PPP1CC: variants seen among roughly 807,000 people sequenced by gnomAD.
The protein encoded by PPP1CC is protein phosphatase 1 catalytic subunit gamma.
PPP1CC carries 16 observed loss-of-function variants against 38.4 expected under a neutral mutation model. The observed-to-expected ratio is 0.42, with a 90% CI of 0.28 to 0.63. PPP1CC has a LOEUF of 0.63. Among genes scored for constraint, PPP1CC ranks in the 30% least tolerant of loss-of-function variants. PPP1CC has a pLI of 0.25. For synonymous variants in PPP1CC, 158 were observed against 136.0 expected, an observed-to-expected ratio of 1.16 and a Z score of -1.13; for missense variants, 170 against 391.3, an observed-to-expected ratio of 0.43 and a Z score of 4.77.
intron 1 of PPP1CC, among the ~76,000 whole-genome samples, chr12:110,741,926 G>A (rs1206496700): frequency 6.6e-6 from 1 of 152,218 alleles, no homozygotes; most frequent in Non-Finnish European, 1.5e-5. Context: ...AATAATTCAT[G>A]GACGCAAAGT....
At chr12:110,715,622 ACTT>A (rs2069681196), downstream of PPP1CC, among the ~76,000 whole-genome samples, 1 of 151,694 alleles carries the variant, frequency 6.6e-6, no homozygotes, top group Non-Finnish European at 1.5e-5. Flanking sequence ...CTGGTATGCT[ACTT>A]TTTTTCTTTT....
At chr12:110,718,398 A>G (rs183715681), downstream of PPP1CC, among the ~76,000 whole-genome samples, 1 of 152,334 alleles carries the variant, frequency 6.6e-6, no homozygotes, top group East Asian at 1.9e-4. Flanking sequence ...CACTTAATAG[A>G]ATAGTATCAC....
chr12:110,730,262 G>A (rs564036157), intron 3 of PPP1CC, among the ~76,000 whole-genome samples: 3 of 152,358 alleles, frequency 2.0e-5, no homozygotes, highest in African/African-American at 7.2e-5. Flanking sequence ...GGGAGGCTGA[G>A]GCAGGAGGAT....
At chr12:110,737,503 A>T (rs956366152) in intron 1 of PPP1CC, among the ~76,000 whole-genome samples, 1 of 145,700 alleles carries the variant, frequency 6.9e-6, no homozygotes, top group Non-Finnish European at 1.5e-5. Context: ...AAAAAAAAAG[A>T]AAAGAAAAGA....
chr12:110,712,635 CAAAAAAAAAA>C, the PPP1CC span, among the ~76,000 whole-genome samples: 1 of 37,668 alleles, frequency 2.7e-5, no homozygotes, highest in Admixed American at 4.1e-4. Flanking sequence ...GAAACTGTCT[CAAAAAAAAAA>C]AAAAAAAAAA....
At chr12:110,737,054 T>C (rs1360340317) in intron 1 of PPP1CC, among the ~76,000 whole-genome samples, 1 of 152,200 alleles carries the variant, frequency 6.6e-6, no homozygotes, top group East Asian at 1.9e-4. Context: ...AATAGCCTCA[T>C]GATATTTGAC....
chr12:110,724,548 AAGG>A lies in PPP1CC; in HGVS notation c.523+109_523+111del, dbSNP rs1396979722. On this transcript the variant is annotated intron_variant, in intron 4 of 6. Transcript: ENST00000335007. The stretch of plus-strand genomic sequence containing the variant: ...GAAAGTGCAATGCAACACATCAACA[AAGG>A]AGAGTGTTCTGTCAGAGAAAGTCAT... The A allele has an allele frequency of 5.9e-6, 4 of 675,030 alleles. No individual in the cohort carries two copies. In the East Asian group the frequency reaches 7.8e-5, roughly 13 times the overall value. 41.8% of individuals were successfully genotyped at this position (675,030 alleles called of 1,614,324 possible).
At chr12:110,713,922 A>G in the PPP1CC span, among the ~76,000 whole-genome samples, 2 of 152,176 alleles carry the variant, frequency 1.3e-5, no homozygotes, top group South Asian at 2.1e-4. Flanking sequence ...AACATGGTGA[A>G]ATCCTGTCTC....
At chr12:110,734,539 C>A (rs1387430411) in intron 1 of PPP1CC, among the ~76,000 whole-genome samples, 1 of 152,130 alleles carries the variant, frequency 6.6e-6, no homozygotes, top group East Asian at 1.9e-4. Flanking sequence ...GATGGGGTTT[C>A]TCCATATTGG....
the PPP1CC span, among the ~76,000 whole-genome samples, chr12:110,708,850 C>CA: frequency 0.17 from 11,069 of 64,806 alleles, 627 homozygotes; most frequent in Middle Eastern, 0.23. Flanking sequence ...GAGTCCATCT[C>CA]AAAAAAAAAA....
At chr12:110,721,738 A>G (rs2069741398) in intron 6 of PPP1CC, 1 of 237,026 alleles carries the variant, frequency 4.2e-6, no homozygotes, top group South Asian at 1.5e-4. Context: ...ATGGTACATT[A>G]ACAGAAGTTT....
At chr12:110,738,779 AGGGCACTGC>A (rs2069977538) in intron 1 of PPP1CC, among the ~76,000 whole-genome samples, 1 of 152,196 alleles carries the variant, frequency 6.6e-6, no homozygotes, top group Admixed American at 6.6e-5. Flanking sequence ...GACAGGCAAG[AGGGCACTGC>A]GGGCACAAGG....
intron 3 of PPP1CC, chr12:110,725,122 T>TGA (rs1342098490): frequency 6.5e-6 from 1 of 153,522 alleles, no homozygotes; most frequent in Non-Finnish European, 1.4e-5. Flanking sequence ...CTAAAAGCAA[T>TGA]GACTTACATT....
At chr12:110,708,493 G>T in the PPP1CC span, among the ~76,000 whole-genome samples, 2 of 152,284 alleles carry the variant, frequency 1.3e-5, no homozygotes, top group South Asian at 4.1e-4. Context: ...TTTCTCCTGA[G>T]AATTCACAAC....
Position 110,722,103 on chromosome 12 carries a change from TAAAAG to T in PPP1CC, c.882+27_882+31del. 6.2e-7 allele frequency: 1 copy of T among 1,612,530 alleles called. No homozygotes were observed. Among genetic ancestry groups the T allele is most frequent in the Non-Finnish European group, 8.5e-7 (1 of 1,179,182 alleles). ...TTCAATCAGCAAAGTGTAAACATAT[TAAAAG>T]GAAATCATGTTGAAAGCATGCTCTA... On this transcript the variant is annotated intron_variant, in intron 6 of 6. Coordinates refer to ENST00000335007, the MANE Select transcript of PPP1CC (RefSeq NM_002710.4). This position sits in a 1 kb window ranked among gnomAD's most constrained non-coding sequence, Gnocchi z 5.4.
chr12:110,721,759 A>C (rs1215576921), intron 6 of PPP1CC: 4 of 266,722 alleles, frequency 1.5e-5, no homozygotes, highest in Non-Finnish European at 2.8e-5. Context: ...TGTGGAAGTT[A>C]GACTAGAGGG....
chr12:110,720,134 T>A lies in PPP1CC; in HGVS notation c.*942A>T. 1 of 1,549,528 alleles carries A rather than the reference T, an allele frequency of 6.5e-7. No individual in the cohort carries two copies. Among genetic ancestry groups the A allele is most frequent in the South Asian group, 1.2e-5 (1 of 84,774 alleles). On this transcript the variant is annotated 3_prime_UTR_variant, in exon 7 of 7. Coordinates refer to ENST00000335007, the MANE Select transcript of PPP1CC (RefSeq NM_002710.4). Reference sequence around the variant, plus strand: ...TGTAGGCCAAAGAAAGCATAATCGGTCACTCGTATAGAACAGTATTGTTTC... The same window carrying A: ...TGTAGGCCAAAGAAAGCATAATCGGACACTCGTATAGAACAGTATTGTTTC...
intron 1 of PPP1CC, among the ~76,000 whole-genome samples, chr12:110,736,964 TTGC>T (rs1212512793): frequency 2.0e-5 from 3 of 152,230 alleles, no homozygotes; most frequent in African/African-American, 7.2e-5. Context: ...AACGAAGATT[TTGC>T]TGTTTTAAAA....
At chr12:110,721,234 C>T in intron 6 of PPP1CC, 69 bp from the exon 7 acceptor site, 1 of 1,336,116 alleles carries the variant, frequency 7.5e-7, no homozygotes, top group South Asian at 1.2e-5. Flanking sequence ...CCTTAAATTT[C>T]ATTCAGATCT....
Sources: allele counts gnomAD v4.1 joint callset (sites outside exome capture counted in the v4.1 genomes callset), GRCh38; gene constraint gnomAD v4.1.1; non-coding constraint Gnocchi (gnomAD v3.1); transcripts MANE v1.5; gene names NCBI Gene and HGNC (gene_info 2026-07-23, HGNC 2026-07-21).